Variants in HCN1 observed in about 807,000 individuals in gnomAD.
The protein encoded by HCN1 is hyperpolarization activated cyclic nucleotide gated potassium channel 1.
Under a neutral mutation model 78.9 loss-of-function variants are expected in HCN1, and 13 were observed. The observed-to-expected ratio is 0.16, with a 90% CI of 0.11 to 0.26. The LOEUF (loss-of-function observed/expected upper bound fraction) is 0.26, where lower values mean the gene tolerates loss of function less well. HCN1 is among the 10% of genes least tolerant of loss of function. The pLI, the probability that HCN1 is intolerant of heterozygous loss-of-function variation, is 1.00. For missense variants in HCN1, 810 were observed against 1,154.3 expected (o/e 0.70, Z 4.32); for synonymous variants, 552 against 455.5 (o/e 1.21, Z -2.70).
At chr5:45,671,961 G>A (rs921012574) in intron 1 of HCN1, among the ~76,000 whole-genome samples, 2 of 151,526 alleles carry the variant, frequency 1.3e-5, no homozygotes, top group Non-Finnish European at 3.0e-5. Context: ...GCCAAGAAAA[G>A]TATTAAATCC....
intron 3 of HCN1, among the ~76,000 whole-genome samples, chr5:45,426,256 C>T (rs946308540): frequency 1.3e-5 from 2 of 152,114 alleles, no homozygotes; most frequent in African/African-American, 4.8e-5. Flanking sequence ...TTGGAAACCT[C>T]CAAACAAATG....
chr5:45,629,723 T>C (rs1745236081), intron 2 of HCN1, among the ~76,000 whole-genome samples: 1 of 152,020 alleles, frequency 6.6e-6, no homozygotes, highest in African/African-American at 2.4e-5. Context: ...ATAAAAAAAT[T>C]ACTCTTATTA....
intron 5 of HCN1, among the ~76,000 whole-genome samples, 190 bp from the exon 6 acceptor site, chr5:45,304,029 T>A (rs116987576): frequency 6.6e-6 from 1 of 152,322 alleles, no homozygotes; most frequent in East Asian, 1.9e-4. Flanking sequence ...GAAATTTTTG[T>A]ATTCCCAGCA....
intron 6 of HCN1, among the ~76,000 whole-genome samples, chr5:45,285,958 T>G (rs540599796): frequency 6.6e-6 from 1 of 151,906 alleles, no homozygotes; most frequent in Non-Finnish European, 1.5e-5. Flanking sequence ...ACTTTCTTTA[T>G]AGTTTGGGGA....
intron 2 of HCN1, among the ~76,000 whole-genome samples, chr5:45,585,406 G>C (rs1465210047): frequency 6.6e-6 from 1 of 152,094 alleles, no homozygotes; most frequent in African/African-American, 2.4e-5. Flanking sequence ...TCTCTGCATT[G>C]ATTATTCTAG....
chr5:45,456,775 C>T (rs1044159137), intron 3 of HCN1, among the ~76,000 whole-genome samples: 7 of 152,060 alleles, frequency 4.6e-5, no homozygotes, highest in Non-Finnish European at 1.5e-5. Flanking sequence ...ATACAGTATT[C>T]TACAACTGAG....
At chr5:45,295,826 T>A (rs1031725567) in intron 6 of HCN1, among the ~76,000 whole-genome samples, 8 of 151,976 alleles carry the variant, frequency 5.3e-5, no homozygotes, top group Admixed American at 2.0e-4. Context: ...AATACAAAAC[T>A]AGTATAGTAT....
At chr5:45,423,876 C>A (rs1483941937) in intron 3 of HCN1, among the ~76,000 whole-genome samples, 1 of 152,064 alleles carries the variant, frequency 6.6e-6, no homozygotes, top group Non-Finnish European at 1.5e-5. Context: ...CCTACCTAAA[C>A]CTCTTTGAGA....
chr5:45,559,930 G>C (rs1228960271), intron 2 of HCN1: 2 of 152,154 alleles, frequency 1.3e-5, no homozygotes, highest in African/African-American at 4.8e-5. Context: ...ACACTGCCCT[G>C]ATAAGCCAGT....
At chr5:45,586,466 G>T (rs949221103) in intron 2 of HCN1, among the ~76,000 whole-genome samples, 1 of 152,128 alleles carries the variant, frequency 6.6e-6, no homozygotes, top group Non-Finnish European at 1.5e-5. Flanking sequence ...GACCCCTTGC[G>T]CTTCCCGGGT....
At chr5:45,450,087 T>G (rs552621399) in intron 3 of HCN1, among the ~76,000 whole-genome samples, 1 of 152,346 alleles carries the variant, frequency 6.6e-6, no homozygotes, top group Non-Finnish European at 1.5e-5. Context: ...TGCCTCGGCC[T>G]CCCAAAATGC....
intron 4 of HCN1, among the ~76,000 whole-genome samples, chr5:45,386,463 G>A (rs1318194525): frequency 6.6e-6 from 1 of 152,102 alleles, no homozygotes; most frequent in Non-Finnish European, 1.5e-5. Flanking sequence ...ACAGGCATGA[G>A]CCAGAGCTCC....
At chr5:45,603,680 C>T (rs1231541071) in intron 2 of HCN1, among the ~76,000 whole-genome samples, 1 of 152,064 alleles carries the variant, frequency 6.6e-6, no homozygotes, top group African/African-American at 2.4e-5. Context: ...CCAGAAAAAC[C>T]ATTAAAACAG....
intron 3 of HCN1, among the ~76,000 whole-genome samples, chr5:45,398,942 C>G (rs374267600): frequency 1.3e-5 from 2 of 152,146 alleles, no homozygotes; most frequent in African/African-American, 4.8e-5. Flanking sequence ...TGCTTACTGC[C>G]GTGCCCATGT....
rs116136760 is a variant in HCN1 at position 45,273,359 on chromosome 5, T to C, written c.1619-6106A>G. 5.7e-3 allele frequency among the ~76,000 whole-genome samples: 875 copies of C among 152,232 alleles called. 7 individuals are homozygous for C. Among genetic ancestry groups the C allele is most frequent in the African/African-American group, 0.02 (834 of 41,570 alleles). ...CTTTAATAATCCTTAAGGTATGAGA[T>C]ATATCAACTTCTCAATGCTATTTTT... On this transcript the variant is annotated intron_variant, in intron 6 of 7. Coordinates refer to ENST00000303230, the MANE Select transcript of HCN1 (RefSeq NM_021072.4).
chr5:45,359,150 A>G (rs983304981), intron 4 of HCN1, among the ~76,000 whole-genome samples: 1 of 152,062 alleles, frequency 6.6e-6, no homozygotes, highest in Non-Finnish European at 1.5e-5. Context: ...TTAATCTATT[A>G]CCAGTTTGTG....
intron 3 of HCN1, among the ~76,000 whole-genome samples, chr5:45,399,761 T>C (rs1473912371): frequency 1.3e-5 from 2 of 152,170 alleles, no homozygotes; most frequent in African/African-American, 2.4e-5. Context: ...ATTGAGGTTC[T>C]TAAAGTGAAA....
At chr5:45,304,581 C>A (rs538400390) in intron 5 of HCN1, among the ~76,000 whole-genome samples, 1 of 152,002 alleles carries the variant, frequency 6.6e-6, no homozygotes, top group Non-Finnish European at 1.5e-5. Flanking sequence ...GAGGCTGAGG[C>A]AGAGAATTGC....
chr5:45,676,500 T>A (rs1746269205), intron 1 of HCN1, among the ~76,000 whole-genome samples: 1 of 151,702 alleles, frequency 6.6e-6, no homozygotes, highest in Non-Finnish European at 1.5e-5. Flanking sequence ...GAGCAAGATA[T>A]GTTTGGAGCA....
Sources: allele counts gnomAD v4.1 joint callset (sites outside exome capture counted in the v4.1 genomes callset), GRCh38; gene constraint gnomAD v4.1.1; transcripts MANE v1.5; gene names NCBI Gene and HGNC (gene_info 2026-07-23, HGNC 2026-07-21).